The following SCLT1 variants were observed in gnomAD, a reference collection of about 807,000 sequenced individuals.
SCLT1 encodes the protein sodium channel and clathrin linker 1.
SCLT1 carries 78 observed loss-of-function variants against 112.8 expected under a neutral mutation model. The ratio of observed to expected loss-of-function variants is 0.69; its 90% CI spans 0.58 to 0.83. The LOEUF is 0.83. SCLT1 is among the 40% of genes least tolerant of loss of function. The pLI is 0.00. For synonymous variants in SCLT1, 257 were observed against 254.7 expected (o/e 1.01, Z -0.09); for missense variants, 747 against 770.4 (o/e 0.97, Z 0.36).
intron 14 of SCLT1, among the ~76,000 whole-genome samples, chr4:128,949,565 T>G (rs1259565196): frequency 6.6e-6 from 1 of 152,122 alleles, no homozygotes; most frequent in Non-Finnish European, 1.5e-5. Context: ...GTGTGTGATG[T>G]TCCCCTTCCT....
chr4:128,926,697 T>TA (rs1736324493), intron 18 of SCLT1, among the ~76,000 whole-genome samples: 1 of 152,092 alleles, frequency 6.6e-6, no homozygotes, highest in Non-Finnish European at 1.5e-5. Context: ...ATATTACTGT[T>TA]CATATATATT....
chr4:128,993,625 T>C (rs2126071683), intron 8 of SCLT1, among the ~76,000 whole-genome samples: 1 of 152,194 alleles, frequency 6.6e-6, no homozygotes, highest in African/African-American at 2.4e-5. Flanking sequence ...AATTATGTAC[T>C]ATATTAATAT....
intron 8 of SCLT1, among the ~76,000 whole-genome samples, chr4:128,996,185 G>A (rs1743003936): frequency 6.6e-6 from 1 of 152,002 alleles, no homozygotes; most frequent in South Asian, 2.1e-4. Context: ...GCTAGCTTTG[G>A]TGAGTCTGGT....
intron 2 of SCLT1, among the ~76,000 whole-genome samples, chr4:129,071,572 TTTTTTG>T (rs553747222): frequency 9.5e-4 from 144 of 151,836 alleles, no homozygotes; most frequent in African/African-American, 3.3e-3. Flanking sequence ...CTTTAAAGTT[TTTTTTG>T]TTTTTTGTTT....
chr4:128,928,798 C>T (rs1025970666), intron 18 of SCLT1, among the ~76,000 whole-genome samples: 4 of 151,324 alleles, frequency 2.6e-5, no homozygotes, highest in Admixed American at 6.6e-5. Context: ...CGCCACTGCA[C>T]TCCAGCCCGG....
intron 5 of SCLT1, 30 bp from the exon 6 acceptor site, chr4:129,003,906 T>G: frequency 6.2e-7 from 1 of 1,602,100 alleles, no homozygotes; most frequent in Non-Finnish European, 8.5e-7. Context: ...CATGATAGCC[T>G]CAAGTCATTT....
At chr4:129,013,448 G>C (rs1374610207) in intron 5 of SCLT1, among the ~76,000 whole-genome samples, 2 of 152,178 alleles carry the variant, frequency 1.3e-5, no homozygotes, top group Non-Finnish European at 2.9e-5. Context: ...GGGTGATAAT[G>C]ATCTTTCCTT....
intron 20 of SCLT1, 123 bp from the exon 21 acceptor site, chr4:128,884,662 A>G: frequency 1.5e-6 from 1 of 657,038 alleles, no homozygotes; most frequent in Non-Finnish European, 2.6e-6. Context: ...AGGGTTTTGT[A>G]AATGATCTTT....
chr4:128,982,363 A>T (rs62318662), intron 9 of SCLT1, among the ~76,000 whole-genome samples: 1 of 152,182 alleles, frequency 6.6e-6, no homozygotes. Flanking sequence ...CTTATTATAA[A>T]GACTGTTTCT....
intron 9 of SCLT1, among the ~76,000 whole-genome samples, chr4:128,989,177 G>T (rs1023050213): frequency 2.0e-5 from 3 of 151,788 alleles, no homozygotes; most frequent in African/African-American, 7.2e-5. Context: ...AAAAATATAT[G>T]TTTTTCTTCT....
intron 11 of SCLT1, among the ~76,000 whole-genome samples, chr4:128,963,717 CTTCTT>C (rs1739936076): frequency 6.6e-6 from 1 of 152,100 alleles, no homozygotes; most frequent in Admixed American, 6.6e-5. Context: ...CTTCATTTCA[CTTCTT>C]TTCTTCTCAA....
At chr4:128,968,061 G>A (rs1375273874) in intron 10 of SCLT1, among the ~76,000 whole-genome samples, 1 of 152,100 alleles carries the variant, frequency 6.6e-6, no homozygotes, top group African/African-American at 2.4e-5. Flanking sequence ...CAGTATCATT[G>A]TGATGTATCT....
At chr4:128,973,809 AT>A (rs1360630883) in intron 9 of SCLT1, among the ~76,000 whole-genome samples, 1 of 152,004 alleles carries the variant, frequency 6.6e-6, no homozygotes, top group Admixed American at 6.6e-5. Flanking sequence ...CACAAATACT[AT>A]TTTTTTGGGG....
intron 3 of SCLT1, chr4:128,876,680 A>G (rs1732528852): frequency 6.6e-6 from 1 of 152,142 alleles, no homozygotes; most frequent in African/African-American, 2.4e-5. Flanking sequence ...AATGGTATCT[A>G]CTTCCTTCAC....
At chr4:128,976,216 G>C (rs143250906) in intron 9 of SCLT1, among the ~76,000 whole-genome samples, 7 of 152,260 alleles carry the variant, frequency 4.6e-5, no homozygotes, top group Admixed American at 2.0e-4. Flanking sequence ...CTCAATCTGA[G>C]ACTTACTCAT....
At chr4:129,056,761 A>T (rs1174739996) in intron 2 of SCLT1, among the ~76,000 whole-genome samples, 2 of 152,188 alleles carry the variant, frequency 1.3e-5, no homozygotes, top group African/African-American at 4.8e-5. Flanking sequence ...TCCTATATAT[A>T]AGATGATGTC....
Position 128,999,672 on chromosome 4 carries a change from C to T in SCLT1, c.549G>A (p.Lys183=), listed in dbSNP as rs761384017. The part of the protein sequence containing the change: ...QIHVFESQKQ[K]DQLFDFQQLT... ...AGAAAATGATGAAATCCAAGATTACCTTTTGTTTTTGACTTTCAAATACAT... is the reference window on the plus strand; with the variant it reads ...AGAAAATGATGAAATCCAAGATTACTTTTTGTTTTTGACTTTCAAATACAT... The change falls in exon 7 of 21, where the codon AAG becomes AAA. Residue 183 remains lysine (K), a splice_region_variant and synonymous_variant. Coordinates refer to ENST00000281142, the MANE Select transcript of SCLT1 (RefSeq NM_144643.4). 3 of 1,592,406 alleles carry T rather than the reference C, an allele frequency of 1.9e-6. No homozygotes were observed. The highest frequency in any genetic ancestry group is 4.5e-5 in the East Asian group (2 of 44,030).
chr4:129,040,557 AG>A (rs1349465449), intron 4 of SCLT1, among the ~76,000 whole-genome samples: 3 of 152,224 alleles, frequency 2.0e-5, no homozygotes, highest in African/African-American at 7.2e-5. Context: ...TATATTCACT[AG>A]CTAAGACTAA....
intron 5 of SCLT1, among the ~76,000 whole-genome samples, chr4:129,014,494 A>G (rs1744822592): frequency 6.6e-6 from 1 of 151,998 alleles, no homozygotes; most frequent in Admixed American, 6.6e-5. Flanking sequence ...GTTCTCTTTT[A>G]TCCTATTTGA....
Sources: gnomAD v4.1 joint callset for allele counts (sites outside exome capture counted in the v4.1 genomes callset) on GRCh38, gnomAD v4.1.1 for gene constraint, MANE v1.5 for transcripts, NCBI Gene and HGNC (gene_info 2026-07-23, HGNC 2026-07-21) for gene names.